Variants in GAREM1 observed in about 807,000 individuals in gnomAD.
GAREM1 encodes the protein GRB2 associated regulator of MAPK1 subtype 1.
A neutral mutation model predicts 71.3 loss-of-function variants in GAREM1; 26 were observed. The ratio of observed to expected loss-of-function variants is 0.36; its 90% confidence interval spans 0.27 to 0.51. GAREM1 has a LOEUF of 0.51. GAREM1 is among the 20% of genes least tolerant of loss of function. GAREM1 has a pLI of 0.95. For synonymous variants in GAREM1, 440 were observed against 433.2 expected (o/e 1.02, Z -0.20); for missense variants, 1,026 against 1,103.1 (o/e 0.93, Z 0.99).
intron 1 of GAREM1, among the ~76,000 whole-genome samples, chr18:32,396,109 G>A (rs1406844547): frequency 6.6e-6 from 1 of 152,208 alleles, no homozygotes; most frequent in Non-Finnish European, 1.5e-5. Flanking sequence ...GGTCGTGACT[G>A]TTAGAAGGAA....
intron 2 of GAREM1, among the ~76,000 whole-genome samples, chr18:32,325,088 A>G (rs1160559120): frequency 6.6e-6 from 1 of 152,156 alleles, no homozygotes; most frequent in Non-Finnish European, 1.5e-5. Flanking sequence ...CCTCCGGAGT[A>G]GCTGGGATTA....
intron 1 of GAREM1, among the ~76,000 whole-genome samples, chr18:32,443,849 C>T (rs974296641): frequency 6.6e-6 from 1 of 152,096 alleles, no homozygotes; most frequent in African/African-American, 2.4e-5. Context: ...TTCGTAACAG[C>T]CCAAAGTGGA....
intron 2 of GAREM1, among the ~76,000 whole-genome samples, chr18:32,335,928 T>C (rs2047587407): frequency 6.6e-6 from 1 of 151,966 alleles, no homozygotes; most frequent in South Asian, 2.1e-4. Context: ...AAGAGCAGAG[T>C]GACCATGGGA....
intron 1 of GAREM1, among the ~76,000 whole-genome samples, chr18:32,415,064 C>T (rs1389476783): frequency 6.6e-6 from 1 of 151,964 alleles, no homozygotes; most frequent in Non-Finnish European, 1.5e-5. Flanking sequence ...TCATTAGTGG[C>T]TACTATGAGC....
At chr18:32,317,320 G>A (rs751891267) in intron 2 of GAREM1, among the ~76,000 whole-genome samples, 4 of 149,602 alleles carry the variant, frequency 2.7e-5, no homozygotes, top group African/African-American at 7.4e-5. Context: ...CAGAAGAATT[G>A]CTTGAACCCA....
At chr18:32,340,112 T>C (rs1355034277) in intron 2 of GAREM1, among the ~76,000 whole-genome samples, 1 of 152,218 alleles carries the variant, frequency 6.6e-6, no homozygotes, top group Non-Finnish European at 1.5e-5. Context: ...ATGGAGCTTA[T>C]GTTCTCTACT....
chr18:32,386,848 C>T lies in GAREM1; in HGVS notation c.262+6047G>A, dbSNP rs185895460. 2.7e-3 allele frequency among the ~76,000 whole-genome samples: 408 copies of T among 152,196 alleles called. 2 individuals are homozygous for T. Among genetic ancestry groups the T allele is most frequent in the African/African-American group, 9.5e-3 (395 of 41,504 alleles). The stretch of plus-strand genomic sequence containing the variant: ...GAGATACCATTGATTTTGTATTACT[C>T]ACGTGCCAGCACTGTGCTGAGCCAT... On this transcript the variant is annotated intron_variant, in intron 2 of 5. Transcript: ENST00000269209.
chr18:32,347,288 C>T (rs904504332), intron 2 of GAREM1, among the ~76,000 whole-genome samples: 2 of 151,872 alleles, frequency 1.3e-5, no homozygotes, highest in African/African-American at 4.8e-5. Flanking sequence ...TCACTTGAGC[C>T]AGGAGTTCGA....
Position 32,268,159 on chromosome 18 carries a change from G to T in GAREM1, c.2343C>A (p.Tyr781Ter). ...KGMQDIFSASYPFSSPLHLQL... is the reference protein window; with the variant it reads ...KGMQDIFSAS ...GGAGATGGAGCGGAGATGAGAAAGG[G>T]TAGGAGGCAGAGAAGATGTCCTGCA... Residue 781 changes from tyrosine (Y) to a stop codon, truncating the protein, a stop_gained, in exon 6 of 6, where the codon TAC (tyrosine) becomes TAA (stop). Coordinates refer to ENST00000269209, the MANE Select transcript of GAREM1 (RefSeq NM_001242409.2). LOFTEE classifies it high-confidence loss of function. 1 of 1,614,166 alleles carries T rather than the reference G, an allele frequency of 6.2e-7. No individual in the cohort carries two copies. Among genetic ancestry groups the T allele is most frequent in the Non-Finnish European group, 8.5e-7 (1 of 1,180,042 alleles).
intron 3 of GAREM1, among the ~76,000 whole-genome samples, chr18:32,305,929 T>C (rs1258560814): frequency 1.3e-5 from 2 of 152,144 alleles, no homozygotes; most frequent in South Asian, 2.1e-4. Context: ...TCAACTCTCA[T>C]TAAACTCAGC....
chr18:32,334,325 A>G (rs955375323), intron 2 of GAREM1, among the ~76,000 whole-genome samples: 2 of 152,054 alleles, frequency 1.3e-5, no homozygotes, highest in Non-Finnish European at 2.9e-5. Flanking sequence ...AAAACACACG[A>G]CACCCCGAGA....
chr18:32,286,706 G>A (rs1274172187), intron 4 of GAREM1, among the ~76,000 whole-genome samples: 2 of 152,018 alleles, frequency 1.3e-5, no homozygotes, highest in Admixed American at 6.6e-5. Context: ...TTACCACCTC[G>A]CACCTACCTT....
intron 1 of GAREM1, among the ~76,000 whole-genome samples, chr18:32,400,232 C>T (rs2144669754): frequency 6.6e-6 from 1 of 152,212 alleles, no homozygotes; most frequent in East Asian, 1.9e-4. Flanking sequence ...AGAAGAAAAC[C>T]TAGGCAATAC....
intron 2 of GAREM1, among the ~76,000 whole-genome samples, chr18:32,376,105 TATTGATA>T (rs984129094): frequency 5.4e-4 from 82 of 152,350 alleles, no homozygotes; most frequent in African/African-American, 1.9e-3. Context: ...AGAGGAAACC[TATTGATA>T]AAATCCTCCA....
intron 2 of GAREM1, among the ~76,000 whole-genome samples, chr18:32,353,939 A>G (rs1342780530): frequency 6.6e-6 from 1 of 152,222 alleles, no homozygotes; most frequent in Non-Finnish European, 1.5e-5. Context: ...AAAATCTCTG[A>G]ACAAGTTGAT....
Position 32,268,759 on chromosome 18 carries a change from A to G in GAREM1, c.1743T>C (p.Thr581=). 6.2e-7 allele frequency: 1 copy of G among 1,613,052 alleles called. No homozygotes were observed. The highest frequency in any genetic ancestry group is 8.5e-7 in the Non-Finnish European group (1 of 1,179,230). ...TTTCAGAAGGATTTGTGTCAGTTTT[A>G]GTGACGCTGCTTAAAAGCAAACACA... is the stretch of plus-strand genomic sequence containing the variant. ...YSSGLHNISV[T]KTDTNPSEST... The change falls in exon 6 of 6, where the codon ACT becomes ACC. Residue 581 remains threonine, a synonymous_variant. Transcript: ENST00000269209.
At chr18:32,464,957 C>T (rs1022167949) in intron 1 of GAREM1, among the ~76,000 whole-genome samples, 1 of 152,164 alleles carries the variant, frequency 6.6e-6, no homozygotes, top group African/African-American at 2.4e-5. Flanking sequence ...ACTGAATAAA[C>T]AATTTACTGA....
intron 2 of GAREM1, among the ~76,000 whole-genome samples, chr18:32,390,208 G>A (rs2048182608): frequency 6.6e-6 from 1 of 151,416 alleles, no homozygotes. Context: ...AAACCACACT[G>A]CCTTCTTATT....
rs188556130 is a variant in GAREM1 at position 32,292,996 on chromosome 18, T to G, written c.394-4793A>C. On this transcript the variant is annotated intron_variant, in intron 3 of 5. Transcript: ENST00000269209. ...TTGATGTCTTGCGAGTTACAGAGAT[T>G]GCATTTTGGAAGGAGAGACAGAAAT... 2.6e-5 allele frequency among the ~76,000 whole-genome samples: 4 copies of G among 152,204 alleles called. No homozygotes were observed. In the East Asian group the frequency reaches 7.7e-4, roughly 29 times the overall value.
Sources: allele counts gnomAD v4.1 joint callset (sites outside exome capture counted in the v4.1 genomes callset), GRCh38; gene constraint gnomAD v4.1.1; transcripts MANE v1.5; gene names NCBI Gene and HGNC (gene_info 2026-07-23, HGNC 2026-07-21).